NUDT3: variants seen among roughly 807,000 people sequenced by gnomAD.
NUDT3 encodes nudix hydrolase 3, also known as diphosphoinositol polyphosphate phosphohydrolase 1.
In NUDT3, 9 loss-of-function variants were observed where a neutral mutation model predicts 23.6. The observed-to-expected ratio is 0.38, with a 90% CI of 0.23 to 0.66. The LOEUF is 0.66. Among genes scored for constraint, NUDT3 ranks in the 30% least tolerant of loss-of-function variants. NUDT3 has a pLI of 0.52. For synonymous variants in NUDT3, 86 were observed against 82.6 expected (o/e 1.04, Z -0.22); for missense variants, 172 against 218.5 (o/e 0.79, Z 1.34).
chr6:34,304,975 A>ATTTTTT (rs535349190), intron 2 of NUDT3, among the ~76,000 whole-genome samples: 4 of 85,350 alleles, frequency 4.7e-5, no homozygotes, highest in African/African-American at 1.0e-4. Flanking sequence ...CCCGGTCTGA[A>ATTTTTT]TTTTTTTTTT....
intron 1 of NUDT3, among the ~76,000 whole-genome samples, chr6:34,354,394 AAC>A (rs370168110): frequency 0.076 from 10,476 of 137,402 alleles, 375 homozygotes; most frequent in Middle Eastern, 0.12. Flanking sequence ...GATTTCATTA[AAC>A]ACACACACAC....
At chr6:34,354,948 T>A (rs1422060743) in intron 1 of NUDT3, among the ~76,000 whole-genome samples, 1 of 151,854 alleles carries the variant, frequency 6.6e-6, no homozygotes, top group Non-Finnish European at 1.5e-5. Flanking sequence ...GGATTTTCTA[T>A]ATAGATGATC....
chr6:34,317,379 G>A (rs538893163), intron 2 of NUDT3, among the ~76,000 whole-genome samples: 12 of 152,012 alleles, frequency 7.9e-5, no homozygotes, highest in Admixed American at 5.9e-4. Flanking sequence ...TCCAGATTGG[G>A]AGAGATCACC....
intron 2 of NUDT3, among the ~76,000 whole-genome samples, chr6:34,315,240 G>A (rs1763841249): frequency 6.6e-6 from 1 of 152,176 alleles, no homozygotes; most frequent in Non-Finnish European, 1.5e-5. Context: ...CTTATTACCT[G>A]AAAGCCTCCT....
Position 34,283,222 on chromosome 6 carries a change from T to TTTTA in NUDT3, c.*5530_*5531insTAAA, listed in dbSNP as rs1763297915. The stretch of plus-strand genomic sequence containing the variant: ...CTTTTCTTTTTTTTTTTTTTTTTTT[T>TTTTA]GAGACGGAGTCTTGCTCTGTCGCCT... On this transcript the variant is annotated 3_prime_UTR_variant, in exon 5 of 5. Coordinates refer to ENST00000607016, the MANE Select transcript of NUDT3 (RefSeq NM_006703.4). 6.9e-6 allele frequency: 1 copy of TTTTA among 145,026 alleles called. No homozygotes were observed. The highest frequency in any genetic ancestry group is 2.6e-5 in the African/African-American group (1 of 38,254). The allele number at this position is 145,026 out of a possible 1,614,324, so 9.0% of individuals were successfully genotyped here.
At chr6:34,374,276 C>T (rs963119918) in intron 1 of NUDT3, among the ~76,000 whole-genome samples, 2 of 151,474 alleles carry the variant, frequency 1.3e-5, no homozygotes, top group Admixed American at 6.6e-5. Context: ...TCACAGTAGA[C>T]AGATTTCAAC....
chr6:34,344,776 C>T (rs558437479), intron 1 of NUDT3, among the ~76,000 whole-genome samples: 40 of 151,692 alleles, frequency 2.6e-4, no homozygotes, highest in Admixed American at 5.9e-4. Context: ...CTCAGCCTCC[C>T]GAGTAGCTGG....
chr6:34,343,124 G>C (rs756865906), intron 1 of NUDT3, among the ~76,000 whole-genome samples: 1 of 152,118 alleles, frequency 6.6e-6, no homozygotes. Context: ...CTGAAAACTT[G>C]TCTTAAACTT....
chr6:34,341,317 A>G (rs1029041263), intron 2 of NUDT3, among the ~76,000 whole-genome samples: 1 of 152,088 alleles, frequency 6.6e-6, no homozygotes, highest in Admixed American at 6.6e-5. Context: ...TGGAGTATCT[A>G]GTAGGATATC....
chr6:34,370,546 T>C (rs540899271), intron 1 of NUDT3, among the ~76,000 whole-genome samples: 4 of 152,286 alleles, frequency 2.6e-5, no homozygotes, highest in African/African-American at 9.6e-5. Context: ...GGGTTCAGGA[T>C]GTGGGGTCAG....
intron 2 of NUDT3, among the ~76,000 whole-genome samples, chr6:34,307,525 A>G (rs1763700374): frequency 6.6e-6 from 1 of 152,164 alleles, no homozygotes; most frequent in Non-Finnish European, 1.5e-5. Context: ...GCAGTGAGCT[A>G]TGACTGCACC....
At chr6:34,341,164 G>A (rs1333368395) in intron 2 of NUDT3, among the ~76,000 whole-genome samples, 3 of 152,104 alleles carry the variant, frequency 2.0e-5, no homozygotes, top group African/African-American at 4.8e-5. Context: ...AGCAGAGCAT[G>A]GTGTCACCAC....
rs1325369603 is a variant in NUDT3 at position 34,288,941 on chromosome 6, CAG to C, written c.341-12_341-11del. ...CATTCCCTCTTCCTTCCTGTGGAGG[CAG>C]AGAGAAAAGAAACTAGTACAAGAGT... On this transcript the variant is annotated splice_polypyrimidine_tract_variant and intron_variant, in intron 4 of 4. Coordinates refer to ENST00000607016, the MANE Select transcript of NUDT3 (RefSeq NM_006703.4). 1 of 1,590,976 alleles carries C rather than the reference CAG, an allele frequency of 6.3e-7. No homozygotes were observed. Among genetic ancestry groups the C allele is most frequent in the Non-Finnish European group, 8.5e-7 (1 of 1,171,768 alleles).
At chr6:34,295,562 G>T in intron 3 of NUDT3, 79 bp downstream of exon 3, 1 of 1,457,834 alleles carries the variant, frequency 6.9e-7, no homozygotes, top group Non-Finnish European at 9.3e-7. Context: ...CGCTGAAACA[G>T]AAATGGCATT....
chr6:34,291,303 G>A (rs76557519), intron 4 of NUDT3, among the ~76,000 whole-genome samples: 92 of 151,908 alleles, frequency 6.1e-4, no homozygotes, highest in Admixed American at 1.1e-3. Context: ...AACGTTCCCC[G>A]TTTTTTCTTT....
chr6:34,316,881 T>C (rs1393352972), intron 2 of NUDT3, among the ~76,000 whole-genome samples: 1 of 152,186 alleles, frequency 6.6e-6, no homozygotes, highest in African/African-American at 2.4e-5. Flanking sequence ...TGATCTGGTT[T>C]CTTTTTACAG....
At chr6:34,322,974 T>C (rs1763968706) in intron 2 of NUDT3, among the ~76,000 whole-genome samples, 1 of 152,188 alleles carries the variant, frequency 6.6e-6, no homozygotes, top group Non-Finnish European at 1.5e-5. Flanking sequence ...CTGGAGCCCA[T>C]TATCCTAAGC....
At chr6:34,295,760 T>C in intron 2 of NUDT3, 75 bp from the exon 3 acceptor site, 1 of 1,574,832 alleles carries the variant, frequency 6.3e-7, no homozygotes. Flanking sequence ...TCTTAAGCAG[T>C]TTATAAAATA....
intron 2 of NUDT3, among the ~76,000 whole-genome samples, chr6:34,309,406 A>C (rs1415651804): frequency 6.7e-6 from 1 of 149,822 alleles, no homozygotes; most frequent in Non-Finnish European, 1.5e-5. Flanking sequence ...CTTAGAGGAA[A>C]ACTTTAGGCT....
Sources: gnomAD v4.1 joint callset for allele counts (sites outside exome capture counted in the v4.1 genomes callset) on GRCh38, gnomAD v4.1.1 for gene constraint, MANE v1.5 for transcripts, NCBI Gene and HGNC (gene_info 2026-07-23, HGNC 2026-07-21) for gene names.